The following NR3C2 variants were observed in gnomAD, a reference collection of about 807,000 sequenced individuals.
NR3C2 encodes mineralocorticoid receptor.
NR3C2 carries 15 observed loss-of-function variants against 86.4 expected under a neutral mutation model. The ratio of observed to expected loss-of-function variants is 0.17; its 90% CI spans 0.12 to 0.27. The LOEUF is 0.27. Ranked by LOEUF, NR3C2 falls within the 10% of genes least tolerant of loss-of-function variation. NR3C2 has a pLI of 1.00. For synonymous variants in NR3C2, 458 were observed against 450.5 expected (o/e 1.02, Z -0.21); for missense variants, 960 against 1,195.6 (o/e 0.80, Z 2.91).
intron 2 of NR3C2, among the ~76,000 whole-genome samples, chr4:148,363,527 G>A (rs540049728): frequency 0.011 from 20 of 1,766 alleles, no homozygotes; most frequent in Admixed American, 0.076. Flanking sequence ...TTTTTGAGAC[G>A]GAGTGTCGCT....
chr4:148,350,229 C>T (rs938628691), intron 2 of NR3C2, among the ~76,000 whole-genome samples: 4 of 152,164 alleles, frequency 2.6e-5, no homozygotes, highest in African/African-American at 9.7e-5. Flanking sequence ...AGAAGGAGGT[C>T]TGTTTTCTCC....
At chr4:148,244,317 G>A (rs1294547080) in intron 3 of NR3C2, among the ~76,000 whole-genome samples, 2 of 152,136 alleles carry the variant, frequency 1.3e-5, no homozygotes, top group African/African-American at 4.8e-5. Flanking sequence ...TTAAAAATAT[G>A]TTTTTAGACA....
At chr4:148,207,211 TATG>T (rs1737049352) in intron 3 of NR3C2, among the ~76,000 whole-genome samples, 1 of 152,118 alleles carries the variant, frequency 6.6e-6, no homozygotes, top group African/African-American at 2.4e-5. Context: ...CTCCTGTCCT[TATG>T]ATAACCTTTT....
Position 148,080,557 on chromosome 4 carries a change from A to T in NR3C2, c.*787T>A, listed in dbSNP as rs2149700846. 6.4e-6 allele frequency: 1 copy of T among 157,086 alleles called. No homozygotes were observed. The highest frequency in any genetic ancestry group is 6.2e-5 in the Admixed American group (1 of 16,066). The allele number at this position is 157,086 out of a possible 1,614,324, so 9.7% of individuals were successfully genotyped here. ...CCATTCATCCTATTAACCATTAAAGATTTTTTTTGTATGTGTCTCATTTAC... is the reference window on the plus strand; with the variant it reads ...CCATTCATCCTATTAACCATTAAAGTTTTTTTTTGTATGTGTCTCATTTAC... On this transcript the variant is annotated 3_prime_UTR_variant, in exon 9 of 9. Transcript: ENST00000358102.
intron 6 of NR3C2, among the ~76,000 whole-genome samples, chr4:148,139,246 T>TA (rs1340715469): frequency 2.0e-5 from 3 of 152,226 alleles, no homozygotes; most frequent in South Asian, 2.1e-4. Flanking sequence ...CTTATGTAGC[T>TA]AAAAAACTCT....
intron 4 of NR3C2, among the ~76,000 whole-genome samples, chr4:148,162,581 C>G (rs1357181956): frequency 6.6e-6 from 1 of 152,188 alleles, no homozygotes; most frequent in Admixed American, 6.5e-5. Flanking sequence ...TGGTAATCAT[C>G]TCTGGGCAAT....
intron 2 of NR3C2, among the ~76,000 whole-genome samples, chr4:148,301,837 G>C (rs563178896): frequency 2.1e-4 from 32 of 152,208 alleles, no homozygotes; most frequent in Non-Finnish European, 4.0e-4. Context: ...ATGAAGAAAA[G>C]TAAACAGGGT....
chr4:148,121,028 T>C (rs1238784945), intron 6 of NR3C2, among the ~76,000 whole-genome samples: 1 of 152,212 alleles, frequency 6.6e-6, no homozygotes, highest in Non-Finnish European at 1.5e-5. Context: ...AAGCAAGGCA[T>C]CACTATTTTT....
intron 8 of NR3C2, among the ~76,000 whole-genome samples, chr4:148,106,679 G>T (rs536700620): frequency 2.0e-5 from 3 of 152,100 alleles, no homozygotes; most frequent in Non-Finnish European, 2.9e-5. Context: ...TAGACCAATG[G>T]AACAGAACAG....
chr4:148,281,502 A>G (rs1741240018), intron 2 of NR3C2, among the ~76,000 whole-genome samples: 1 of 152,244 alleles, frequency 6.6e-6, no homozygotes, highest in African/African-American at 2.4e-5. Flanking sequence ...CAAATTTAGC[A>G]AATTTGACTG....
At chr4:148,275,956 T>C (rs1331853156) in intron 2 of NR3C2, among the ~76,000 whole-genome samples, 3 of 152,158 alleles carry the variant, frequency 2.0e-5, no homozygotes, top group South Asian at 2.1e-4. Flanking sequence ...TGTATTAACA[T>C]AAAATGCCAT....
intron 2 of NR3C2, among the ~76,000 whole-genome samples, chr4:148,324,666 T>A (rs1743857181): frequency 1.3e-5 from 2 of 152,138 alleles, no homozygotes; most frequent in Admixed American, 1.3e-4. Context: ...TGAGAGTAAA[T>A]CTTAAGTGTT....
At chr4:148,230,156 G>A (rs1238051644) in intron 3 of NR3C2, among the ~76,000 whole-genome samples, 1 of 152,130 alleles carries the variant, frequency 6.6e-6, no homozygotes, top group African/African-American at 2.4e-5. Flanking sequence ...GGCACTTACA[G>A]GGGAGAACAG....
intron 3 of NR3C2, among the ~76,000 whole-genome samples, chr4:148,196,879 T>A (rs1249545688): frequency 1.3e-5 from 2 of 152,198 alleles, no homozygotes; most frequent in Non-Finnish European, 2.9e-5. Context: ...TGGTAACTGA[T>A]AAATATAACG....
chr4:148,429,649 A>G (rs1228474281), intron 2 of NR3C2, among the ~76,000 whole-genome samples: 1 of 152,210 alleles, frequency 6.6e-6, no homozygotes, highest in African/African-American at 2.4e-5. Context: ...GAACAAAATA[A>G]AACTCTTAAA....
At chr4:148,399,674 A>G (rs1011363066) in intron 2 of NR3C2, among the ~76,000 whole-genome samples, 2 of 115,698 alleles carry the variant, frequency 1.7e-5, no homozygotes, top group Non-Finnish European at 3.7e-5. Flanking sequence ...CAAAGTTTCT[A>G]TATATACAGA....
intron 2 of NR3C2, among the ~76,000 whole-genome samples, chr4:148,418,094 T>C (rs187833835): frequency 2.0e-5 from 3 of 152,218 alleles, no homozygotes; most frequent in South Asian, 4.2e-4. Context: ...ACAGGAAGGG[T>C]CCATGATTCT....
intron 3 of NR3C2, among the ~76,000 whole-genome samples, chr4:148,224,851 A>G (rs1738061198): frequency 6.6e-6 from 1 of 152,228 alleles, no homozygotes; most frequent in Non-Finnish European, 1.5e-5. Flanking sequence ...GAAGGAAATT[A>G]ACAAATGTTT....
At chr4:148,210,809 T>C (rs955241895) in intron 3 of NR3C2, among the ~76,000 whole-genome samples, 44 of 152,368 alleles carry the variant, frequency 2.9e-4, no homozygotes, top group Non-Finnish European at 1.5e-5. Context: ...TATTTTCATA[T>C]ACAAAACCAC....
Sources: allele counts gnomAD v4.1 joint callset (sites outside exome capture counted in the v4.1 genomes callset), GRCh38; gene constraint gnomAD v4.1.1; transcripts MANE v1.5; gene names NCBI Gene and HGNC (gene_info 2026-07-23, HGNC 2026-07-21).